CSMD1: variants seen among roughly 807,000 people sequenced by gnomAD.
The protein encoded by CSMD1 is CUB and Sushi multiple domains 1.
In CSMD1, 213 loss-of-function variants were observed where a neutral mutation model predicts 417.5. That is an observed-to-expected ratio of 0.51 (90% confidence interval 0.46 to 0.57). The LOEUF (loss-of-function observed/expected upper bound fraction) is 0.57. Among genes scored for constraint, CSMD1 ranks in the 20% least tolerant of loss-of-function variants. The pLI is 0.00. For synonymous variants in CSMD1, 2,862 were observed against 1,736.8 expected, an observed-to-expected ratio of 1.65 and a Z score of -16.11; for missense variants, 6,923 against 4,529.7, an observed-to-expected ratio of 1.53 and a Z score of -15.17.
intron 3 of CSMD1, among the ~76,000 whole-genome samples, chr8:4,209,876 G>A (rs1048298758): frequency 6.6e-6 from 1 of 152,198 alleles, no homozygotes; most frequent in Non-Finnish European, 1.5e-5. Flanking sequence ...CTAGAATGTA[G>A]GTGGTAACTT....
intron 3 of CSMD1, among the ~76,000 whole-genome samples, chr8:4,360,890 C>A (rs1176215836): frequency 1.3e-5 from 2 of 152,098 alleles, no homozygotes; most frequent in Non-Finnish European, 2.9e-5. Context: ...ACTGACAGGT[C>A]CCCTGAAAGT....
intron 44 of CSMD1, among the ~76,000 whole-genome samples, chr8:3,108,293 C>T (rs937540887): frequency 6.6e-6 from 1 of 152,192 alleles, no homozygotes; most frequent in Non-Finnish European, 1.5e-5. Flanking sequence ...TTTGCTATAA[C>T]ACCTTATCTT....
chr8:4,679,576 A>T (rs1805909391), intron 1 of CSMD1, among the ~76,000 whole-genome samples: 1 of 152,280 alleles, frequency 6.6e-6, no homozygotes, highest in East Asian at 1.9e-4. Context: ...TCACACTATG[A>T]AAACTGCAAT....
chr8:3,898,704 A>G (rs757728361), intron 5 of CSMD1, among the ~76,000 whole-genome samples: 3 of 152,248 alleles, frequency 2.0e-5, no homozygotes, highest in Admixed American at 6.5e-5. Flanking sequence ...CAGAATGGAC[A>G]GGTGTAGGAA....
rs867980996 is a variant in CSMD1, at chr8:3,214,812, G to A, written c.4673-121C>T. On this transcript the variant is annotated intron_variant, in intron 29 of 69. Coordinates refer to ENST00000635120, the MANE Select transcript of CSMD1 (RefSeq NM_033225.6). ...GGGCCTAGAACAATGTCCTAAATAA[G>A]TAAGAAATGCTCAAAGAATATTTAT... 4 of 558,342 alleles carry A rather than the reference G, an allele frequency of 7.2e-6. No individual in the cohort carries two copies. In the Admixed American group the frequency reaches 1.1e-4, roughly 16 times the overall value. The allele number at this position is 558,342 out of a possible 1,614,324, so 34.6% of individuals were successfully genotyped here.
intron 47 of CSMD1, among the ~76,000 whole-genome samples, chr8:3,095,942 C>T (rs1039486303): frequency 7.9e-5 from 12 of 152,242 alleles, no homozygotes; most frequent in Non-Finnish European, 1.5e-4. Context: ...CCATATTTCA[C>T]TATTTCAAAG....
At position 3,846,311 on chromosome 8, in the gene CSMD1, T is replaced by G. The variant is rs567302430; in HGVS notation, c.819-92269A>C. 5.3e-5 allele frequency among the ~76,000 whole-genome samples: 8 copies of G among 152,312 alleles called. No individual in the cohort carries two copies. In the East Asian group the frequency reaches 1.4e-3, roughly 26 times the overall value. The stretch of plus-strand genomic sequence containing the variant: ...AGGTGATAGGAATATTCCAGCTCCA[T>G]GAGAATCTTATCCAACCACCTTTAT... On this transcript the variant is annotated intron_variant, in intron 5 of 69. Coordinates refer to ENST00000635120, the MANE Select transcript of CSMD1 (RefSeq NM_033225.6).
At chr8:3,928,603 G>A (rs575953958) in intron 5 of CSMD1, among the ~76,000 whole-genome samples, 5 of 150,856 alleles carry the variant, frequency 3.3e-5, no homozygotes, top group East Asian at 1.9e-4. Context: ...TATAATAGAT[G>A]ATGTCATAAG....
At chr8:4,731,399 A>G (rs1809857552) in intron 1 of CSMD1, among the ~76,000 whole-genome samples, 1 of 152,138 alleles carries the variant, frequency 6.6e-6, no homozygotes, top group African/African-American at 2.4e-5. Context: ...CTGTGCAAGT[A>G]CTTTTCATAT....
At chr8:4,717,635 A>G (rs1397203746) in intron 1 of CSMD1, among the ~76,000 whole-genome samples, 1 of 151,860 alleles carries the variant, frequency 6.6e-6, no homozygotes, top group African/African-American at 2.4e-5. Context: ...TATTTCTACA[A>G]CGGGGAAAGC....
In CSMD1 at chr8:4,086,645, C is replaced by T. The variant is rs527760775; in HGVS notation, c.416-54546G>A. ...GCGAGACTTTTCTTAATGCACCAAGCGATTTCATTCTTTCTCATTCATTCA... is the reference window on the plus strand; with the variant it reads ...GCGAGACTTTTCTTAATGCACCAAGTGATTTCATTCTTTCTCATTCATTCA... On this transcript the variant is annotated intron_variant, in intron 3 of 69. Transcript: ENST00000635120. Among the ~76,000 whole-genome samples, 114 of 152,288 alleles carry T rather than the reference C, an allele frequency of 7.5e-4. 2 individuals carry two copies. In the South Asian group the frequency reaches 0.023, roughly 31 times the overall value.
chr8:4,044,594 C>A (rs1442870360), intron 3 of CSMD1, among the ~76,000 whole-genome samples: 1 of 152,142 alleles, frequency 6.6e-6, no homozygotes, highest in Admixed American at 6.5e-5. Context: ...TAATTAAATC[C>A]GGGTCTCATT....
chr8:4,360,462 A>T (rs1254927334), intron 3 of CSMD1, among the ~76,000 whole-genome samples: 1 of 152,124 alleles, frequency 6.6e-6, no homozygotes, highest in Non-Finnish European at 1.5e-5. Context: ...CCGTTATCAT[A>T]ACCTCTTTTT....
At chr8:4,653,682 G>C (rs564401772) in intron 1 of CSMD1, among the ~76,000 whole-genome samples, 2 of 152,044 alleles carry the variant, frequency 1.3e-5, no homozygotes, top group Non-Finnish European at 2.9e-5. Flanking sequence ...AGTTGCCCCA[G>C]GCTGAAAATA....
intron 5 of CSMD1, among the ~76,000 whole-genome samples, chr8:3,944,156 T>C (rs186497489): frequency 3.9e-5 from 6 of 152,254 alleles, no homozygotes; most frequent in Non-Finnish European, 5.9e-5. Context: ...CACAGAATTT[T>C]TTTACTGTTT....
chr8:4,399,458 G>C (rs1019648405), intron 3 of CSMD1, among the ~76,000 whole-genome samples: 1 of 152,210 alleles, frequency 6.6e-6, no homozygotes, highest in Non-Finnish European at 1.5e-5. Context: ...GAATGGGTAT[G>C]ATTTTACTGG....
intron 7 of CSMD1, among the ~76,000 whole-genome samples, chr8:3,636,750 G>A (rs1015756881): frequency 6.6e-6 from 1 of 152,130 alleles, no homozygotes. Context: ...AGGATGGCAG[G>A]GAGTAAGGCA....
At chr8:2,998,951 A>G (rs559980658) in intron 53 of CSMD1, among the ~76,000 whole-genome samples, 3 of 152,278 alleles carry the variant, frequency 2.0e-5, no homozygotes, top group South Asian at 4.1e-4. Flanking sequence ...AATCTTTGTC[A>G]CTGTTTTATC....
At chr8:4,719,847 T>C (rs1487200689) in intron 1 of CSMD1, among the ~76,000 whole-genome samples, 3 of 152,172 alleles carry the variant, frequency 2.0e-5, no homozygotes, top group East Asian at 1.9e-4. Flanking sequence ...CTCATTAAAG[T>C]AGTATAAAAT....
Sources: gnomAD v4.1 joint callset for allele counts (sites outside exome capture counted in the v4.1 genomes callset) on GRCh38, gnomAD v4.1.1 for gene constraint, MANE v1.5 for transcripts, NCBI Gene and HGNC (gene_info 2026-07-23, HGNC 2026-07-21) for gene names.